Variants in USP9Y observed in about 807,000 individuals in gnomAD.
The protein encoded by USP9Y is ubiquitin specific peptidase 9 Y-linked.
A neutral mutation model predicts 53.1 loss-of-function variants in USP9Y; 41 were observed. The observed-to-expected ratio is 0.77, with a 90% CI of 0.60 to 1.00. The LOEUF (loss-of-function observed/expected upper bound fraction) is 1.00. Ranked by LOEUF, USP9Y falls within the 50% of genes least tolerant of loss-of-function variation. The pLI is 0.00. For missense variants in USP9Y, 567 were observed against 535.8 expected (o/e 1.06, Z -0.58); for synonymous variants, 220 against 173.7 (o/e 1.27, Z -2.09).
chrY:12,788,069 G>A, intron 24 of USP9Y, among the ~76,000 whole-genome samples: 1 of 33,673 alleles, frequency 3.0e-5, no homozygotes, highest in Non-Finnish European at 7.4e-5. Context: ...AGAAAATTCT[G>A]AGGGGTTTCT....
chrY:12,739,332 G>T, intron 11 of USP9Y, among the ~76,000 whole-genome samples, 193 bp from the exon 12 acceptor site: 1 of 33,127 alleles, frequency 3.0e-5, no homozygotes, highest in Non-Finnish European at 7.4e-5. Flanking sequence ...CAAAAAAACT[G>T]AGTTGCCAGG....
Position 12,859,878 on chromosome Y carries a change from T to C in USP9Y, c.*462T>C. On this transcript the variant is annotated 3_prime_UTR_variant, in exon 46 of 46. Transcript: ENST00000338981. Reference sequence around the variant, plus strand: ...TTGTCAGTTTACACCAATAGTTTCTTGTTAATCCTTCTTTCCTGGATATAT... The same window carrying C: ...TTGTCAGTTTACACCAATAGTTTCTCGTTAATCCTTCTTTCCTGGATATAT... The C allele has an allele frequency of 2.8e-5, 1 of 35,969 alleles. No individual in the cohort carries two copies. Among genetic ancestry groups the C allele is most frequent in the Non-Finnish European group, 6.8e-5 (1 of 14,615 alleles). The allele number at this position is 35,969 out of a possible 400,897, so 9.0% of individuals were successfully genotyped here.
At chrY:12,719,992 T>C (rs2053433737) in intron 3 of USP9Y, among the ~76,000 whole-genome samples, 1 of 32,596 alleles carries the variant, frequency 3.1e-5, no homozygotes, top group Admixed American at 2.7e-4. Context: ...TTCACCATGT[T>C]AGCTAGGATG....
In USP9Y at chrY:12,739,566, G is replaced by A; in HGVS notation, c.1359G>A (p.Leu453=). The change falls in exon 12 of 46, where the codon CTG becomes CTA. Residue 453 remains leucine (L), a synonymous_variant. Transcript: ENST00000338981. ...HEAIVKNVHD[L]LAKLAWDFSP... ...CCATTGTGAAGAATGTACATGATCT[G>A]CTAGCAAAGTTGGCTTGGGATTTTT... 2.5e-6 allele frequency: 1 copy of A among 396,002 alleles called. No individual in the cohort carries two copies. The highest frequency in any genetic ancestry group is 3.5e-6 in the Non-Finnish European group (1 of 281,911).
In USP9Y at chrY:12,701,612, C is replaced by T; in HGVS notation, c.-564C>T. 3.0e-5 allele frequency: 1 copy of T among 33,721 alleles called. No homozygotes were observed. The allele number at this position is 33,721 out of a possible 400,897, so 8.4% of individuals were successfully genotyped here. On this transcript the variant is annotated 5_prime_UTR_variant, in exon 1 of 46. Transcript: ENST00000338981. The stretch of plus-strand genomic sequence containing the variant: ...TCTAGTTCTAGTGGCTAAATAGGTA[C>T]TTATTTATACAGTATGATAACTGCT...
At chrY:12,847,420 A>G in intron 42 of USP9Y, 93 bp downstream of exon 42, 1 of 204,326 alleles carries the variant, frequency 4.9e-6, no homozygotes, top group Admixed American at 9.2e-5. Context: ...TTTATCTTTG[A>G]TACTCCGCTT....
chrY:12,718,022 C>T (rs2053432467), intron 3 of USP9Y, among the ~76,000 whole-genome samples: 1 of 33,173 alleles, frequency 3.0e-5, no homozygotes, highest in Admixed American at 2.7e-4. Context: ...ATCCTGATTT[C>T]CTATATCCTG....
intron 33 of USP9Y, among the ~76,000 whole-genome samples, chrY:12,828,898 A>G: frequency 3.0e-5 from 1 of 33,095 alleles, no homozygotes; most frequent in African/African-American, 1.2e-4. Context: ...AAAACCAACA[A>G]CATTGAAAAC....
At chrY:12,808,577 T>C (rs2053526870) in intron 27 of USP9Y, among the ~76,000 whole-genome samples, 1 of 33,541 alleles carries the variant, frequency 3.0e-5, no homozygotes, top group East Asian at 7.8e-4. Flanking sequence ...GTTGATGTGC[T>C]GTTTCTTTGG....
intron 33 of USP9Y, among the ~76,000 whole-genome samples, chrY:12,830,275 T>C (rs759671020): frequency 8.9e-5 from 3 of 33,761 alleles, no homozygotes; most frequent in East Asian, 7.7e-4. Context: ...ATCTAACATA[T>C]AGAAGCCTGA....
In USP9Y at chrY:12,735,722, T is replaced by C; in HGVS notation, c.768T>C (p.Leu256=). ...TAAATATTCAAATAATTGCAGCTCT[T>C]ATTAAGTAAGTTATGTTTTCATGTT... ...SALNIQIIAA[L]IKPFGQCYEF... The change falls in exon 8 of 46, where the codon CTT becomes CTC. Residue 256 remains leucine, a synonymous_variant. Transcript: ENST00000338981. 2.8e-6 allele frequency: 1 copy of C among 351,658 alleles called. No homozygotes were observed. The highest frequency in any genetic ancestry group is 4.1e-6 in the Non-Finnish European group (1 of 242,131). 87.7% of individuals were successfully genotyped at this position (351,658 alleles called of 400,897 possible).
At chrY:12,748,450 C>T in intron 12 of USP9Y, among the ~76,000 whole-genome samples, 1 of 33,354 alleles carries the variant, frequency 3.0e-5, no homozygotes, top group South Asian at 6.7e-4. Flanking sequence ...TTTTGAGTCT[C>T]AGGGTCCCAA....
At chrY:12,746,894 C>T (rs2053461174) in intron 12 of USP9Y, among the ~76,000 whole-genome samples, 1 of 31,133 alleles carries the variant, frequency 3.2e-5, no homozygotes, top group South Asian at 7.8e-4. Flanking sequence ...CCACCACACC[C>T]GGCTAAGTTT....
chrY:12,767,887 C>T (rs2053481771), intron 15 of USP9Y, among the ~76,000 whole-genome samples: 2 of 31,869 alleles, frequency 6.3e-5, no homozygotes, highest in African/African-American at 2.5e-4. Flanking sequence ...CTCACTCTGT[C>T]GCTTAGGCTG....
At position 12,857,601 on chromosome Y, in the gene USP9Y, G is replaced by T; in HGVS notation, c.7470G>T (p.Glu2490Asp). The change falls in exon 45 of 46, where the codon GAG becomes GAT. Residue 2490 changes from glutamate to aspartate, a missense_variant. Physicochemically the swap from Glu to Asp is conservative, Grantham distance 45. Coordinates refer to ENST00000338981, the MANE Select transcript of USP9Y (RefSeq NM_004654.4). Reference protein sequence around the residue: ...PDDQDAPDEHEPSPSEDAPLY... With the variant: ...PDDQDAPDEHDPSPSEDAPLY... The stretch of plus-strand genomic sequence containing the variant: ...ACCAGGATGCCCCAGATGAGCATGA[G>T]CCCTCTCCATCAGAAGATGCCCCAT... 2.6e-6 allele frequency: 1 copy of T among 387,685 alleles called. No individual in the cohort carries two copies. Among genetic ancestry groups the T allele is most frequent in the Non-Finnish European group, 3.6e-6 (1 of 277,377 alleles).
intron 42 of USP9Y, among the ~76,000 whole-genome samples, chrY:12,849,265 A>G (rs2053569887): frequency 3.0e-5 from 1 of 33,362 alleles, no homozygotes. Flanking sequence ...TTATTGGTGT[A>G]TAGGAATGCT....
At chrY:12,803,479 T>A in intron 27 of USP9Y, 1 of 33,549 alleles carries the variant, frequency 3.0e-5, no homozygotes, top group Admixed American at 2.7e-4. Flanking sequence ...GCTGTGTTTC[T>A]CCCCAAAGTT....
intron 31 of USP9Y, among the ~76,000 whole-genome samples, chrY:12,814,445 G>A (rs2053534414): frequency 3.1e-4 from 7 of 22,491 alleles, no homozygotes; most frequent in African/African-American, 1.3e-3. Context: ...GGAGAATGGC[G>A]TGAACCCGGG....
At chrY:12,723,201 A>T in intron 5 of USP9Y, among the ~76,000 whole-genome samples, 1 of 30,488 alleles carries the variant, frequency 3.3e-5, no homozygotes, top group Non-Finnish European at 7.9e-5. Context: ...CTTAATATAA[A>T]AAAAAAAAGC....
Sources: gnomAD v4.1 joint callset for allele counts (sites outside exome capture counted in the v4.1 genomes callset) on GRCh38, gnomAD v4.1.1 for gene constraint, MANE v1.5 for transcripts, NCBI Gene and HGNC (gene_info 2026-07-23, HGNC 2026-07-21) for gene names.